Variants in SMC4 observed in about 807,000 individuals in gnomAD.
SMC4 encodes structural maintenance of chromosomes protein 4.
Under a neutral mutation model 145.6 loss-of-function variants are expected in SMC4, and 87 were observed. The ratio of observed to expected loss-of-function variants is 0.60; its 90% confidence interval spans 0.50 to 0.71. The LOEUF (loss-of-function observed/expected upper bound fraction) is 0.71. SMC4 is among the 30% of genes least tolerant of loss of function. The probability of loss-of-function intolerance (pLI) is 0.00; values close to 1 mark genes in which losing one functional copy is unlikely to be tolerated. For synonymous variants in SMC4, 558 were observed against 500.7 expected (o/e 1.11, Z -1.53); for missense variants, 1,447 against 1,537.1 (o/e 0.94, Z 0.98).
In SMC4 at chr3:160,400,879, C is replaced by T. The variant is rs1449629942; in HGVS notation, c.53C>T (p.Pro18Leu). The T allele has an allele frequency of 6.6e-7, 1 of 1,515,498 alleles. No individual in the cohort carries two copies. Among genetic ancestry groups the T allele is most frequent in the Non-Finnish European group, 8.8e-7 (1 of 1,141,136 alleles). The allele number at this position is 1,515,498 out of a possible 1,614,324, so 93.9% of individuals were successfully genotyped here. Residue 18 changes from proline to leucine, a missense_variant, in exon 2 of 24, where the codon CCG becomes CTG. Pro to Leu is a moderately conservative substitution (Grantham distance 98). Transcript: ENST00000357388. The stretch of plus-strand genomic sequence containing the variant: ...ACTGCCCGGCGCAGAGAGGAAGGGC[C>T]GCCGCCGCCGTCCCCTGACGGCGCC... ...PSTARRREEGPPPPSPDGASS... is the reference protein window; with the variant it reads ...PSTARRREEGLPPPSPDGASS...
chr3:160,419,893 C>T (rs1223960257), intron 12 of SMC4, among the ~76,000 whole-genome samples: 1 of 151,910 alleles, frequency 6.6e-6, no homozygotes, highest in Non-Finnish European at 1.5e-5. Flanking sequence ...TCACTTGAGC[C>T]TAGGAGTTCA....
chr3:160,419,507 AAAAT>A lies in SMC4; in HGVS notation c.1822_1825del (p.Lys608LeufsTer14). ...TCCTTGATGCAATAATTCAAGAAAAAAAATCTGGCAGGATTCCAGGAATATATGG... is the reference window on the plus strand; with the variant it reads ...TCCTTGATGCAATAATTCAAGAAAAACTGGCAGGATTCCAGGAATATATGG... On this transcript the variant is annotated frameshift_variant, in exon 12 of 24. Coordinates refer to ENST00000357388, the MANE Select transcript of SMC4 (RefSeq NM_001002800.3). LOFTEE classifies it high-confidence loss of function. The A allele has an allele frequency of 6.2e-7, 1 of 1,605,146 alleles. No homozygotes were observed. Among genetic ancestry groups the A allele is most frequent in the Non-Finnish European group, 8.5e-7 (1 of 1,177,974 alleles).
intron 16 of SMC4, among the ~76,000 whole-genome samples, chr3:160,425,348 C>G (rs1416363726): frequency 6.6e-6 from 1 of 152,056 alleles, no homozygotes; most frequent in Non-Finnish European, 1.5e-5. Context: ...AATGCACGCC[C>G]ACTGTTTTTT....
intron 23 of SMC4, 170 bp downstream of exon 23, chr3:160,433,379 A>C: frequency 3.6e-6 from 2 of 558,080 alleles, no homozygotes; most frequent in Non-Finnish European, 6.1e-6. Flanking sequence ...TTTGAACCAA[A>C]TATTTCCATT....
At chr3:160,407,410 G>A (rs547577742) in intron 5 of SMC4, among the ~76,000 whole-genome samples, 58 of 151,998 alleles carry the variant, frequency 3.8e-4, no homozygotes, top group Non-Finnish European at 6.6e-4. Flanking sequence ...AAAATTAGCT[G>A]GGCATGGTGA....
intron 18 of SMC4, among the ~76,000 whole-genome samples, chr3:160,429,544 G>A (rs1256459790): frequency 6.6e-6 from 1 of 151,448 alleles, no homozygotes; most frequent in African/African-American, 2.4e-5. Flanking sequence ...CCAGAGTTTT[G>A]CCATGTTTCC....
intron 4 of SMC4, 39 bp from the exon 5 acceptor site, chr3:160,404,289 C>A: frequency 6.4e-7 from 1 of 1,569,066 alleles, no homozygotes; most frequent in Non-Finnish European, 8.6e-7. Flanking sequence ...TGACTTAATA[C>A]CAACAATTGT....
At chr3:160,425,958 C>T in intron 16 of SMC4, 116 bp from the exon 17 acceptor site, 4 of 736,590 alleles carry the variant, frequency 5.4e-6, no homozygotes, top group Non-Finnish European at 6.7e-6. Flanking sequence ...CATATCTTTC[C>T]TCTTCCTATT....
In SMC4 at chr3:160,401,970, T is replaced by C. The variant is rs1438309395; in HGVS notation, c.195T>C (p.Ile65=). ...GTTTAGAAGAGATTTTGAACAGCAT[T>C]CCTCCTCCCCCGCCTCCAGCAATGA... ...NRSLEEILNS[I]PPPPPPAMTN... is the part of the protein sequence containing the mutation. Residue 65 remains isoleucine, a synonymous_variant, in exon 3 of 24, where the codon ATT becomes ATC. Coordinates refer to ENST00000357388, the MANE Select transcript of SMC4 (RefSeq NM_001002800.3). 6.2e-7 allele frequency: 1 copy of C among 1,607,522 alleles called. No homozygotes were observed. Among genetic ancestry groups the C allele is most frequent in the Admixed American group, 1.7e-5 (1 of 59,024 alleles).
At position 160,433,649 on chromosome 3, in the gene SMC4, C is replaced by G. The variant is rs1354854011; in HGVS notation, c.3715-8C>G. On this transcript the variant is annotated splice_polypyrimidine_tract_variant and splice_region_variant and intron_variant, in intron 23 of 23. Transcript: ENST00000357388. ...CTTAATGTTTGACTTTTCTTTGTTT[C>G]TCTTTAGGAACAAACAAAAAATGCA... 1 of 1,497,426 alleles carries G rather than the reference C, an allele frequency of 6.7e-7. No individual in the cohort carries two copies. The highest frequency in any genetic ancestry group is 9.0e-7 in the Non-Finnish European group (1 of 1,112,076). 92.8% of individuals were successfully genotyped at this position (1,497,426 alleles called of 1,614,324 possible).
chr3:160,429,043 T>C (rs778989001), intron 18 of SMC4, 101 bp downstream of exon 18: 6 of 996,352 alleles, frequency 6.0e-6, no homozygotes, highest in Non-Finnish European at 8.7e-6. Flanking sequence ...CTCTTACTGT[T>C]AATTTATTGA....
Position 160,402,112 on chromosome 3 carries a change from CTATTT to C in SMC4, c.318+23_318+27del. ...CCATAAGGTATTTGTATGGAAATAA[CTATTT>C]TATAACTTTTTAAATAACTATTGTA... is the stretch of plus-strand genomic sequence containing the variant. On this transcript the variant is annotated intron_variant, in intron 3 of 23. Transcript: ENST00000357388. 6.8e-7 allele frequency: 1 copy of C among 1,466,204 alleles called. No homozygotes were observed. 90.8% of individuals were successfully genotyped at this position (1,466,204 alleles called of 1,614,324 possible).
intron 12 of SMC4, among the ~76,000 whole-genome samples, chr3:160,419,973 T>C (rs1717000091): frequency 6.6e-6 from 1 of 152,158 alleles, no homozygotes; most frequent in African/African-American, 2.4e-5. Context: ...TTTTTATATA[T>C]TTGGGGTTTC....
chr3:160,404,707 C>T lies in SMC4; in HGVS notation c.687+203C>T, dbSNP rs377188987. ...TCATTCAAAACTATGTTTTCATCAT[C>T]AGATGTTCGTTTTATGTTTGGATGA... On this transcript the variant is annotated intron_variant, in intron 5 of 23. Coordinates refer to ENST00000357388, the MANE Select transcript of SMC4 (RefSeq NM_001002800.3). 4.2e-6 allele frequency: 3 copies of T among 709,244 alleles called. No homozygotes were observed. In the African/African-American group the frequency reaches 5.2e-5, roughly 12 times the overall value. 43.9% of individuals were successfully genotyped at this position (709,244 alleles called of 1,614,324 possible).
chr3:160,403,845 G>C (rs1294963054), intron 4 of SMC4: 1 of 152,170 alleles, frequency 6.6e-6, no homozygotes, highest in East Asian at 1.9e-4. Flanking sequence ...TTATTTCTTT[G>C]TGATTCTTTT....
chr3:160,430,666 G>T lies in SMC4; in HGVS notation c.2863G>T (p.Val955Leu). The stretch of plus-strand genomic sequence containing the variant: ...AGAAATAAAAGATACTGAGAAAGAG[G>T]TGGATGACCTAACAGCAGAGCTGAA... The part of the protein sequence containing the change: ...EKEIKDTEKE[V>L]DDLTAELKSL... The change falls in exon 19 of 24, where the codon GTG becomes TTG. Residue 955 changes from valine (V) to leucine (L), a missense_variant. Physicochemically the swap from Val to Leu is conservative, Grantham distance 32. Transcript: ENST00000357388. 6.2e-7 allele frequency: 1 copy of T among 1,613,772 alleles called. No homozygotes were observed. Among genetic ancestry groups the T allele is most frequent in the South Asian group, 1.1e-5 (1 of 91,046 alleles).
At chr3:160,413,801 CTG>C (rs1416681628) in intron 8 of SMC4, 188 bp downstream of exon 8, 2 of 403,314 alleles carry the variant, frequency 5.0e-6, no homozygotes, top group East Asian at 1.1e-4. Context: ...ATTCCCTACT[CTG>C]AAGTCTTAGA....
At chr3:160,417,582 C>T in intron 10 of SMC4, 141 bp from the exon 11 acceptor site, 2 of 685,572 alleles carry the variant, frequency 2.9e-6, no homozygotes. Flanking sequence ...GAATCTAGTC[C>T]ACTTGTGAGA....
chr3:160,407,849 A>G (rs1447655025), intron 5 of SMC4, among the ~76,000 whole-genome samples: 1 of 152,210 alleles, frequency 6.6e-6, no homozygotes, highest in Non-Finnish European at 1.5e-5. Flanking sequence ...AGCTACCTCT[A>G]ACCAACCAGA....
Sources: allele counts gnomAD v4.1 joint callset (sites outside exome capture counted in the v4.1 genomes callset), GRCh38; gene constraint gnomAD v4.1.1; transcripts MANE v1.5; gene names NCBI Gene and HGNC (gene_info 2026-07-23, HGNC 2026-07-21).